SNX29: variants seen among roughly 807,000 people sequenced by gnomAD.
The protein encoded by SNX29 is sorting nexin-29.
Under a neutral mutation model 102.1 loss-of-function variants are expected in SNX29, and 78 were observed. The observed-to-expected ratio is 0.76, with a 90% confidence interval of 0.64 to 0.92. The LOEUF is 0.92. Among genes scored for constraint, SNX29 ranks in the 40% least tolerant of loss-of-function variants. SNX29 has a pLI of 0.00. For synonymous variants in SNX29, 580 were observed against 414.5 expected (o/e 1.40, Z -4.85); for missense variants, 1,280 against 1,061.7 (o/e 1.21, Z -2.86).
chr16:12,111,984 C>G (rs1355562528), intron 11 of SNX29, among the ~76,000 whole-genome samples: 1 of 152,090 alleles, frequency 6.6e-6, no homozygotes, highest in Non-Finnish European at 1.5e-5. Context: ...GCAGACACAC[C>G]CACCCCGTGG....
chr16:12,087,651 T>A, intron 11 of SNX29: 1 of 359,226 alleles, frequency 2.8e-6, no homozygotes, highest in Non-Finnish European at 5.5e-6. Flanking sequence ...GCCGTCATTA[T>A]GCGAGATGCC....
chr16:12,325,814 G>T (rs2081095460), intron 15 of SNX29, among the ~76,000 whole-genome samples: 1 of 151,986 alleles, frequency 6.6e-6, no homozygotes, highest in African/African-American at 2.4e-5. Context: ...ATTGCTTAAG[G>T]CCAGGAGTTC....
At chr16:12,331,785 C>G (rs1379773429) in intron 15 of SNX29, among the ~76,000 whole-genome samples, 3 of 152,200 alleles carry the variant, frequency 2.0e-5, no homozygotes, top group Admixed American at 2.0e-4. Context: ...CTCCTGACCT[C>G]AGGTGATCTG....
chr16:12,012,208 G>T (rs2056677297), intron 3 of SNX29, among the ~76,000 whole-genome samples: 1 of 152,134 alleles, frequency 6.6e-6, no homozygotes, highest in Admixed American at 6.6e-5. Context: ...CGACAGCAGG[G>T]TTGTTAGCGG....
chr16:12,010,928 T>C (rs1273289523), intron 3 of SNX29, among the ~76,000 whole-genome samples: 1 of 152,108 alleles, frequency 6.6e-6, no homozygotes, highest in Admixed American at 6.6e-5. Context: ...GGCTTTTTTT[T>C]CTCTTTTAAA....
chr16:12,062,225 A>C (rs1278218665), intron 9 of SNX29, among the ~76,000 whole-genome samples: 3 of 151,866 alleles, frequency 2.0e-5, no homozygotes, highest in Non-Finnish European at 1.5e-5. Context: ...CTAAAAATAC[A>C]AAAATTAGCT....
chr16:12,074,570 C>T (rs1164388673), intron 10 of SNX29, among the ~76,000 whole-genome samples: 2 of 152,078 alleles, frequency 1.3e-5, no homozygotes, highest in East Asian at 1.9e-4. Flanking sequence ...GTGGGTAACC[C>T]GACCTTTCTC....
chr16:12,123,219 C>T (rs1053296914), intron 11 of SNX29, among the ~76,000 whole-genome samples: 1 of 152,158 alleles, frequency 6.6e-6, no homozygotes, highest in Admixed American at 6.5e-5. Context: ...TTCGTTATGA[C>T]TACCACAATC....
intron 2 of SNX29, 112 bp downstream of exon 2, chr16:11,999,470 G>A: frequency 2.0e-6 from 2 of 1,002,546 alleles, no homozygotes; most frequent in African/African-American, 1.6e-5. Context: ...TTATACCTGG[G>A]AACAGTGAAG....
At chr16:12,144,778 A>G (rs1056364700) in intron 13 of SNX29, among the ~76,000 whole-genome samples, 5 of 152,310 alleles carry the variant, frequency 3.3e-5, no homozygotes, top group Middle Eastern at 3.4e-3. Context: ...CTGGACTGCA[A>G]TGGCGCGATC....
At chr16:12,026,627 G>A (rs1290093436) in intron 3 of SNX29, among the ~76,000 whole-genome samples, 1 of 152,144 alleles carries the variant, frequency 6.6e-6, no homozygotes, top group Non-Finnish European at 1.5e-5. Flanking sequence ...TCAATTAAAT[G>A]CACAGTAATT....
intron 19 of SNX29, among the ~76,000 whole-genome samples, chr16:12,510,140 T>G (rs2089548771): frequency 6.6e-6 from 1 of 152,218 alleles, no homozygotes; most frequent in South Asian, 2.1e-4. Flanking sequence ...TCCTTTGATG[T>G]AGCCCATACC....
At chr16:12,227,301 C>T (rs976414896) in intron 14 of SNX29, among the ~76,000 whole-genome samples, 1 of 152,206 alleles carries the variant, frequency 6.6e-6, no homozygotes, top group Non-Finnish European at 1.5e-5. Context: ...CTTTTCCTCA[C>T]TTCTTCTCTT....
intron 6 of SNX29, among the ~76,000 whole-genome samples, 161 bp from the exon 7 acceptor site, chr16:12,048,211 G>A (rs1179461292): frequency 2.6e-5 from 4 of 151,354 alleles, no homozygotes; most frequent in Non-Finnish European, 4.4e-5. Flanking sequence ...GCAGTGGCGC[G>A]ATTTTCGCTC....
chr16:12,453,043 G>C (rs1306672085), intron 18 of SNX29, among the ~76,000 whole-genome samples: 2 of 152,132 alleles, frequency 1.3e-5, no homozygotes, highest in East Asian at 3.8e-4. Context: ...AGTAAGACCT[G>C]GGGCTGTCTC....
At chr16:12,547,964 T>C (rs1249958194) in intron 20 of SNX29, among the ~76,000 whole-genome samples, 1 of 152,120 alleles carries the variant, frequency 6.6e-6, no homozygotes, top group African/African-American at 2.4e-5. Flanking sequence ...GCTCAGTCTT[T>C]TGGGAGACAG....
intron 14 of SNX29, among the ~76,000 whole-genome samples, chr16:12,212,633 ATCT>A (rs1291483250): frequency 2.0e-5 from 3 of 152,180 alleles, no homozygotes; most frequent in Admixed American, 1.3e-4. Context: ...CCGTTTGTAT[ATCT>A]TCTTTTGAAA....
chr16:12,356,416 C>CT, intron 16 of SNX29, 137 bp downstream of exon 16: 1 of 686,824 alleles, frequency 1.5e-6, no homozygotes, highest in Admixed American at 2.9e-5. Flanking sequence ...GCCACATTTG[C>CT]TTTTTATTTT....
intron 14 of SNX29, among the ~76,000 whole-genome samples, chr16:12,275,354 C>G (rs2079211962): frequency 6.6e-6 from 1 of 152,160 alleles, no homozygotes; most frequent in Non-Finnish European, 1.5e-5. Context: ...ACTTTTATGT[C>G]TCCATTAAAA....
Sources: gnomAD v4.1 joint callset for allele counts (sites outside exome capture counted in the v4.1 genomes callset) on GRCh38, gnomAD v4.1.1 for gene constraint, MANE v1.5 for transcripts, NCBI Gene and HGNC (gene_info 2026-07-23, HGNC 2026-07-21) for gene names.